The following CACNA1C variants were observed in gnomAD, a reference collection of about 807,000 sequenced individuals.
CACNA1C encodes the protein voltage-dependent L-type calcium channel subunit alpha-1C.
A neutral mutation model predicts 229.0 loss-of-function variants in CACNA1C; 30 were observed. That is an observed-to-expected ratio of 0.13 (90% confidence interval 0.10 to 0.18). CACNA1C has a LOEUF of 0.18. CACNA1C is among the 10% of genes least tolerant of loss of function. The pLI is 1.00. For missense variants in CACNA1C, 1,658 were observed against 2,845.0 expected (o/e 0.58, Z 9.49); for synonymous variants, 1,114 against 1,132.5 (o/e 0.98, Z 0.33).
intron 3 of CACNA1C, among the ~76,000 whole-genome samples, chr12:2,212,949 G>T (rs1309047573): frequency 1.3e-5 from 2 of 152,168 alleles, no homozygotes; most frequent in African/African-American, 4.8e-5. Flanking sequence ...TTAACACATT[G>T]CTCAGTGATG....
intron 3 of CACNA1C, among the ~76,000 whole-genome samples, chr12:2,311,738 C>G (rs1276606085): frequency 6.6e-6 from 1 of 152,210 alleles, no homozygotes; most frequent in Admixed American, 6.5e-5. Flanking sequence ...ACCGTGGCAT[C>G]TCATACTTGC....
At chr12:2,063,429 G>A (rs1453001093) in intron 1 of CACNA1C, among the ~76,000 whole-genome samples, 2 of 152,146 alleles carry the variant, frequency 1.3e-5, no homozygotes, top group African/African-American at 2.4e-5. Context: ...GATTACAGGC[G>A]TGAACCACTG....
chr12:2,404,727 A>T (rs10774041), intron 3 of CACNA1C, among the ~76,000 whole-genome samples: 1 of 151,842 alleles, frequency 6.6e-6, no homozygotes, highest in Non-Finnish European at 1.5e-5. Context: ...TCTGGGGGTC[A>T]CTTGTTCACA....
chr12:2,084,470 T>C (rs1283618254), intron 1 of CACNA1C, among the ~76,000 whole-genome samples: 1 of 152,232 alleles, frequency 6.6e-6, no homozygotes, highest in African/African-American at 2.4e-5. Flanking sequence ...CAGACTATTA[T>C]GTTTCTTCCA....
chr12:2,313,822 C>G (rs950916930), intron 3 of CACNA1C, among the ~76,000 whole-genome samples: 2 of 152,186 alleles, frequency 1.3e-5, no homozygotes, highest in Non-Finnish European at 2.9e-5. Flanking sequence ...GCTTTTATCG[C>G]TTTTTATCTA....
At chr12:2,162,256 C>T (rs2095906479) in intron 3 of CACNA1C, among the ~76,000 whole-genome samples, 1 of 151,920 alleles carries the variant, frequency 6.6e-6, no homozygotes, top group African/African-American at 2.4e-5. Context: ...TGACCACCAC[C>T]CCCTCCCATT....
Position 2,054,449 on chromosome 12 carries a change from C to G in CACNA1C, c.49+838C>G, listed in dbSNP as rs1474772104. Among the ~76,000 whole-genome samples the G allele has an allele frequency of 6.6e-6, 1 of 152,104 alleles. No homozygotes were observed. Among genetic ancestry groups the G allele is most frequent in the Non-Finnish European group, 1.5e-5 (1 of 68,016 alleles). ...AAGGGTGTGCCTGGCTCACGCGGCT[C>G]CATACTATTGCCCAGTGTTTTCCGA... is the stretch of plus-strand genomic sequence containing the variant. On this transcript the variant is annotated intron_variant, in intron 1 of 46. Transcript: ENST00000399655. The surrounding 1 kb of genome is among the most constrained non-coding windows in gnomAD (Gnocchi z 5.5).
intron 3 of CACNA1C, among the ~76,000 whole-genome samples, chr12:2,375,474 C>T (rs958534203): frequency 2.0e-5 from 3 of 152,190 alleles, no homozygotes; most frequent in African/African-American, 4.8e-5. Context: ...GCTCTCTGAA[C>T]ACCAAGTGAA....
intron 13 of CACNA1C, among the ~76,000 whole-genome samples, chr12:2,572,488 C>CTT (rs2055905019): frequency 1.0e-5 from 1 of 96,160 alleles, no homozygotes. Flanking sequence ...CCTCTTCCTC[C>CTT]TCCTCCTCCT....
At chr12:2,638,140 T>A (rs2093105558) in intron 30 of CACNA1C, among the ~76,000 whole-genome samples, 1 of 152,134 alleles carries the variant, frequency 6.6e-6, no homozygotes, top group Admixed American at 6.5e-5. Context: ...CAATTCACAA[T>A]GCAATGAGGA....
chr12:2,688,687 C>T lies in CACNA1C; in HGVS notation c.6025C>T (p.Arg2009Trp), dbSNP rs1358638533. 6.2e-6 allele frequency: 10 copies of T among 1,612,678 alleles called. No individual in the cohort carries two copies. Among genetic ancestry groups the T allele is most frequent in the African/African-American group, 4.0e-5 (3 of 75,030 alleles). The change falls in exon 46 of 47, where the codon CGG (arginine) becomes TGG (tryptophan). Residue 2009 changes from arginine (R) to tryptophan (W), a missense_variant. By Grantham distance (101) the Arg-to-Trp change is moderately radical (BLOSUM62 -3). Transcript: ENST00000399655. Reference sequence around the variant, plus strand: ...CGGTGGCGGGGGCAGCAGCGCCGCCCGGAGAGTCCGGCCCGTCTCCCTCAT... The same window carrying T: ...CGGTGGCGGGGGCAGCAGCGCCGCCTGGAGAGTCCGGCCCGTCTCCCTCAT... ...TPGGGGSSAA[R>W]RVRPVSLMVP...
chr12:2,120,240 TTTGA>T, intron 2 of CACNA1C, 81 bp from the exon 3 acceptor site: 1 of 802,090 alleles, frequency 1.2e-6, no homozygotes, highest in Non-Finnish European at 2.2e-6. Flanking sequence ...CTTATGAATC[TTTGA>T]TTCATTTTAA....
At chr12:2,495,922 A>G (rs2099745917) in intron 7 of CACNA1C, among the ~76,000 whole-genome samples, 1 of 151,966 alleles carries the variant, frequency 6.6e-6, no homozygotes, top group African/African-American at 2.4e-5. Flanking sequence ...CAATTTCTCT[A>G]ATTGCTTTGA....
chr12:2,444,169 G>T (rs1184914510), intron 3 of CACNA1C, among the ~76,000 whole-genome samples: 1 of 152,168 alleles, frequency 6.6e-6, no homozygotes, highest in Non-Finnish European at 1.5e-5. Flanking sequence ...CCAGTGAACT[G>T]CGTTTCTCCA....
chr12:2,425,358 G>A (rs750726234), intron 3 of CACNA1C, among the ~76,000 whole-genome samples: 2 of 152,188 alleles, frequency 1.3e-5, no homozygotes, highest in South Asian at 2.1e-4. Context: ...TCATATAAGC[G>A]AAAATGTCAG....
At chr12:2,114,785 G>T (rs1381888439) in intron 1 of CACNA1C, among the ~76,000 whole-genome samples, 2 of 152,192 alleles carry the variant, frequency 1.3e-5, no homozygotes, top group East Asian at 1.9e-4. Context: ...CTTCCTCCTT[G>T]CCCCTGTATC....
chr12:2,469,083 G>A (rs190864916), intron 5 of CACNA1C, among the ~76,000 whole-genome samples: 4 of 152,254 alleles, frequency 2.6e-5, no homozygotes, highest in African/African-American at 9.6e-5. Context: ...TCTGTTGGGG[G>A]TACCCCAGTA....
Position 2,448,955 on chromosome 12 carries a change from TTTTCTA to T in CACNA1C, c.478-15_478-10del. ...CAAACCAATGACTTATTTTTCTCTCTTTTCTATTTCTGTTTCCTAGGAACGAGTGGA... is the reference window on the plus strand; with the variant it reads ...CAAACCAATGACTTATTTTTCTCTCTTTTCTGTTTCCTAGGAACGAGTGGA... On this transcript the variant is annotated splice_polypyrimidine_tract_variant and intron_variant, in intron 3 of 46. Coordinates refer to ENST00000399655, the MANE Select transcript of CACNA1C (RefSeq NM_000719.7). 6.3e-7 allele frequency: 1 copy of T among 1,596,672 alleles called. No individual in the cohort carries two copies.
intron 1 of CACNA1C, among the ~76,000 whole-genome samples, chr12:1,996,331 C>T (rs892457918): frequency 7.9e-5 from 12 of 152,166 alleles, no homozygotes; most frequent in Admixed American, 6.5e-4. Flanking sequence ...AATCTCTTTA[C>T]ACTTGCTAAC....
Sources: gnomAD v4.1 joint callset for allele counts (sites outside exome capture counted in the v4.1 genomes callset) on GRCh38, gnomAD v4.1.1 for gene constraint, Gnocchi (gnomAD v3.1) non-coding constraint, MANE v1.5 for transcripts, NCBI Gene and HGNC (gene_info 2026-07-23, HGNC 2026-07-21) for gene names.